The following HEATR5B variants were observed in gnomAD, a reference collection of about 807,000 sequenced individuals.
The protein encoded by HEATR5B is HEAT repeat containing 5B, also known as HEAT repeat-containing protein 5B.
Under a neutral mutation model 224.1 loss-of-function variants are expected in HEATR5B, and 156 were observed. The observed-to-expected ratio is 0.70, with a 90% CI of 0.61 to 0.80. HEATR5B has a LOEUF of 0.80. Among genes scored for constraint, HEATR5B ranks in the 30% least tolerant of loss-of-function variants. The pLI is 0.00. For missense variants in HEATR5B, 2,323 were observed against 2,535.5 expected, an observed-to-expected ratio of 0.92 and a Z score of 1.80; for synonymous variants, 1,027 against 893.0, an observed-to-expected ratio of 1.15 and a Z score of -2.68.
intron 13 of HEATR5B, 146 bp downstream of exon 13, chr2:37,058,742 A>G (rs1433584794): frequency 1.5e-6 from 1 of 664,946 alleles, no homozygotes; most frequent in Non-Finnish European, 2.6e-6. Context: ...TTCAATCCAC[A>G]CCATTGCTGT....
intron 2 of HEATR5B, among the ~76,000 whole-genome samples, chr2:37,080,089 G>A (rs12478843): frequency 0.13 from 19,348 of 152,208 alleles, 1,575 homozygotes; most frequent in Admixed American, 0.24. Flanking sequence ...AAGTATAAAG[G>A]CCTTGAGGTT....
At position 37,032,668 on chromosome 2, in the gene HEATR5B, G is replaced by A. The variant is rs751880322; in HGVS notation, c.3322C>T (p.Leu1108=). The A allele has an allele frequency of 1.9e-6, 3 of 1,613,360 alleles. No homozygotes were observed. Among genetic ancestry groups the A allele is most frequent in the Non-Finnish European group, 2.5e-6 (3 of 1,179,788 alleles). The change falls in exon 22 of 36, where the codon CTG becomes TTG. Residue 1108 remains leucine, a synonymous_variant. Transcript: ENST00000233099. ...TCTTTGTCCCCTGTATTTTTTGCCAGGCTCATGGCATATTCACATACTTCC... is the reference window on the plus strand; with the variant it reads ...TCTTTGTCCCCTGTATTTTTTGCCAAGCTCATGGCATATTCACATACTTCC... ...AAEVCEYAMS[L]AKNTGDKESS...
At chr2:37,083,677 T>C (rs577312167) in intron 1 of HEATR5B, among the ~76,000 whole-genome samples, 28 of 152,246 alleles carry the variant, frequency 1.8e-4, no homozygotes, top group Admixed American at 1.7e-3. Flanking sequence ...AAAGAAATTA[T>C]TGCCAAAAAA....
chr2:37,060,056 G>A (rs1671183354), intron 12 of HEATR5B, among the ~76,000 whole-genome samples: 1 of 152,144 alleles, frequency 6.6e-6, no homozygotes, highest in East Asian at 1.9e-4. Context: ...AACAAAACCT[G>A]AGCGTTTCCT....
rs116314317 is a variant in HEATR5B at position 37,079,145 on chromosome 2, T to C, written c.313A>G (p.Thr105Ala). ...AATTTTGTTGGTAAGTAGGCCGCAG[T>C]GTCATCTTTATTTCTGATAATGTCA... ...CNDIIRNKDD[T>A]AAYLPTKLAA... The change falls in exon 3 of 36, where the codon ACT becomes GCT. Residue 105 changes from threonine to alanine, a missense_variant. Physicochemically the swap from Thr to Ala is moderately conservative, Grantham distance 58. Coordinates refer to ENST00000233099, the MANE Select transcript of HEATR5B (RefSeq NM_019024.3). The C allele has an allele frequency of 4.7e-5, 76 of 1,606,016 alleles. No homozygotes were observed. In the African/African-American group the frequency reaches 9.2e-4, roughly 19 times the overall value.
intron 33 of HEATR5B, among the ~76,000 whole-genome samples, chr2:36,996,733 C>T (rs113114944): frequency 2.6e-5 from 4 of 152,022 alleles, no homozygotes; most frequent in Non-Finnish European, 5.9e-5. Flanking sequence ...GCTGGGATTA[C>T]AGGCATGTGC....
In HEATR5B at chr2:37,032,757, G is replaced by A. The variant is rs878952831; in HGVS notation, c.3233C>T (p.Ser1078Phe). Residue 1078 changes from serine (S) to phenylalanine (F), a missense_variant, in exon 22 of 36, where the codon TCC (serine) becomes TTC (phenylalanine). This residue lies in a region of HEATR5B where 88 missense variants were observed against 86.8 expected (regional missense o/e 1.01). Transcript: ENST00000233099. ...VPSLCVHLCS[S>F]HLLLRRAAVA... ...AGCTGCTCGTCGAAGTAACAAATGG[G>A]AACTACATAAGTGAACCTGTAAATC... 1 of 1,613,508 alleles carries A rather than the reference G, an allele frequency of 6.2e-7. No homozygotes were observed. Among genetic ancestry groups the A allele is most frequent in the Admixed American group, 1.7e-5 (1 of 59,920 alleles).
At chr2:37,029,862 C>G (rs1669009238) in intron 22 of HEATR5B, among the ~76,000 whole-genome samples, 2 of 151,866 alleles carry the variant, frequency 1.3e-5, no homozygotes, top group African/African-American at 4.8e-5. Context: ...TGGCTTGAAC[C>G]TGGGAGGCGG....
intron 17 of HEATR5B, among the ~76,000 whole-genome samples, chr2:37,050,195 T>A (rs1231571176): frequency 6.6e-6 from 1 of 152,180 alleles, no homozygotes; most frequent in Non-Finnish European, 1.5e-5. Context: ...GCAATTCATA[T>A]TAAATAAAGG....
chr2:37,037,889 T>G lies in HEATR5B; in HGVS notation c.3182A>C (p.His1061Pro). ...LQQLHMFAPRHVNLSSLVPSL... is the reference protein window; with the variant it reads ...LQQLHMFAPRPVNLSSLVPSL... The stretch of plus-strand genomic sequence containing the variant: ...AGGAACAAGGCTAGATAGATTGACA[T>G]GTCGTGGTGCAAACATGTGAAGCTG... The change falls in exon 21 of 36, where the codon CAT becomes CCT. Residue 1061 changes from histidine to proline, a missense_variant. By Grantham distance (77) the His-to-Pro change is moderately conservative. Around this residue, in one of 12 missense-constraint regions of HEATR5B, gnomAD observed 88 missense variants for 86.8 expected, o/e 1.01. Transcript: ENST00000233099. 1 of 1,594,432 alleles carries G rather than the reference T, an allele frequency of 6.3e-7. No homozygotes were observed. Among genetic ancestry groups the G allele is most frequent in the Non-Finnish European group, 8.6e-7 (1 of 1,168,366 alleles).
At chr2:36,994,039 G>T (rs1330981821) in intron 33 of HEATR5B, among the ~76,000 whole-genome samples, 1 of 152,136 alleles carries the variant, frequency 6.6e-6, no homozygotes, top group Non-Finnish European at 1.5e-5. Flanking sequence ...TAATTCTTCT[G>T]TGGTTATGGA....
intron 26 of HEATR5B, among the ~76,000 whole-genome samples, chr2:37,014,784 C>G (rs1668011680): frequency 6.6e-6 from 1 of 151,622 alleles, no homozygotes; most frequent in Admixed American, 6.6e-5. Flanking sequence ...TGAGACCATC[C>G]TGACCAACAT....
At chr2:37,053,705 T>A in intron 16 of HEATR5B, 98 bp from the exon 17 acceptor site, 1 of 598,688 alleles carries the variant, frequency 1.7e-6, no homozygotes. Flanking sequence ...GTTTAGCAAA[T>A]AATTCCCCAT....
At chr2:37,072,416 A>G in intron 5 of HEATR5B, 135 bp from the exon 6 acceptor site, 1 of 591,010 alleles carries the variant, frequency 1.7e-6, no homozygotes. Context: ...ACAGTTTTCA[A>G]GACACTGGAC....
chr2:37,052,551 T>G (rs1218003426), intron 17 of HEATR5B, among the ~76,000 whole-genome samples: 1 of 152,236 alleles, frequency 6.6e-6, no homozygotes, highest in East Asian at 1.9e-4. Flanking sequence ...AACTTTGGCA[T>G]ATGATATTAT....
At chr2:36,982,731 A>AT (rs1159247962) in intron 35 of HEATR5B, among the ~76,000 whole-genome samples, 1 of 151,830 alleles carries the variant, frequency 6.6e-6, no homozygotes, top group African/African-American at 2.4e-5. Flanking sequence ...TCCCTGCTGT[A>AT]TTTTTTTCTT....
At chr2:37,018,149 G>A (rs982404700) in intron 26 of HEATR5B, among the ~76,000 whole-genome samples, 48 of 151,348 alleles carry the variant, frequency 3.2e-4, no homozygotes, top group African/African-American at 1.1e-3. Flanking sequence ...AGAAGGAAAG[G>A]AGGTCACAAA....
chr2:37,042,999 T>C (rs1669970911), intron 18 of HEATR5B, among the ~76,000 whole-genome samples: 1 of 151,836 alleles, frequency 6.6e-6, no homozygotes, highest in African/African-American at 2.4e-5. Flanking sequence ...ATCTGTGCCC[T>C]AACTGAAGAG....
intron 34 of HEATR5B, 76 bp from the exon 35 acceptor site, chr2:36,988,935 A>G: frequency 1.8e-6 from 2 of 1,085,008 alleles, no homozygotes. Flanking sequence ...GCATCTTACT[A>G]TGTACTGAAA....
Sources: gnomAD v4.1 joint callset for allele counts (sites outside exome capture counted in the v4.1 genomes callset) on GRCh38, gnomAD v4.1.1 for gene constraint, gnomAD v4.1.1 regional missense constraint, MANE v1.5 for transcripts, NCBI Gene and HGNC (gene_info 2026-07-23, HGNC 2026-07-21) for gene names.